SATB2: variants seen among roughly 807,000 people sequenced by gnomAD.
SATB2 encodes the protein SATB homeobox 2, also known as DNA-binding protein SATB2.
In SATB2, 1 loss-of-function variant was observed where a neutral mutation model predicts 73.4. The ratio of observed to expected loss-of-function variants is 0.01; its 90% CI spans 0.00 to 0.06. The LOEUF is 0.06. Among genes scored for constraint, SATB2 ranks in the 10% least tolerant of loss-of-function variants. The probability of loss-of-function intolerance (pLI) is 1.00; values close to 1 mark genes in which losing one functional copy is unlikely to be tolerated. For missense variants in SATB2, 459 were observed against 945.8 expected (o/e 0.49, Z 6.75); for synonymous variants, 397 against 367.0 (o/e 1.08, Z -0.93).
At chr2:199,449,244 T>C (rs1469550570) in intron 2 of SATB2, among the ~76,000 whole-genome samples, 1 of 152,184 alleles carries the variant, frequency 6.6e-6, no homozygotes, top group Non-Finnish European at 1.5e-5. Context: ...TTTTATCTAG[T>C]TTTTTAAAAA....
intron 7 of SATB2, among the ~76,000 whole-genome samples, chr2:199,337,705 T>C (rs1688375932): frequency 6.6e-6 from 1 of 152,186 alleles, no homozygotes; most frequent in Non-Finnish European, 1.5e-5. Context: ...CTGCAGTCTA[T>C]ACTGACAATT....
chr2:199,274,640 C>G (rs1468643663), intron 10 of SATB2, among the ~76,000 whole-genome samples: 1 of 152,138 alleles, frequency 6.6e-6, no homozygotes, highest in Non-Finnish European at 1.5e-5. Context: ...AAGCACAGGA[C>G]TATAAAACAG....
intron 2 of SATB2, among the ~76,000 whole-genome samples, chr2:199,435,208 A>T (rs1274276090): frequency 1.3e-5 from 2 of 152,174 alleles, no homozygotes; most frequent in African/African-American, 4.8e-5. Flanking sequence ...ACAAAGAAGA[A>T]GATTTAGGAC....
Position 199,349,084 on chromosome 2 carries a change from G to A in SATB2, c.790C>T (p.Leu264=), listed in dbSNP as rs1316738790. ...GGAGACTGTTCGTTGGTTTTCCCCA[G>A]GGATGCCAGCTGGTTCATATTTGGT... ...HLPNMNQLAS[L]GKTNEQSPHS... The change falls in exon 7 of 11, where the codon CTG becomes TTG. Residue 264 remains leucine, a synonymous_variant. Transcript: ENST00000417098. 1.9e-6 allele frequency: 3 copies of A among 1,614,102 alleles called. No homozygotes were observed. The highest frequency in any genetic ancestry group is 2.5e-6 in the Non-Finnish European group (3 of 1,179,970).
intron 10 of SATB2, among the ~76,000 whole-genome samples, chr2:199,292,726 C>A (rs1692906043): frequency 6.6e-6 from 1 of 152,122 alleles, no homozygotes; most frequent in Admixed American, 6.5e-5. Context: ...TAGGTCCTTG[C>A]CACTCAGCAT....
intron 10 of SATB2, among the ~76,000 whole-genome samples, chr2:199,275,806 G>A (rs777694888): frequency 2.0e-5 from 3 of 152,292 alleles, no homozygotes; most frequent in Non-Finnish European, 2.9e-5. Flanking sequence ...TAAGGAAAGA[G>A]CAGTCAAAAC....
chr2:199,408,610 C>A (rs1392671556), intron 3 of SATB2, among the ~76,000 whole-genome samples: 1 of 149,778 alleles, frequency 6.7e-6, no homozygotes, highest in African/African-American at 2.5e-5. Flanking sequence ...TTTGCAACAA[C>A]TTAATACAAC....
chr2:199,468,481 G>A (rs1390256922), upstream of SATB2, among the ~76,000 whole-genome samples: 3 of 152,208 alleles, frequency 2.0e-5, no homozygotes, highest in Admixed American at 1.3e-4. Context: ...GCATCCAACT[G>A]AGGCCCAGCA....
chr2:199,335,596 T>C (rs1182299742), intron 7 of SATB2, among the ~76,000 whole-genome samples: 1 of 152,156 alleles, frequency 6.6e-6, no homozygotes, highest in African/African-American at 2.4e-5. Context: ...TGGTAATATA[T>C]AGGAATGGTT....
chr2:199,343,672 A>T (rs1458645208), intron 7 of SATB2, among the ~76,000 whole-genome samples: 2 of 152,234 alleles, frequency 1.3e-5, no homozygotes, highest in African/African-American at 2.4e-5. Context: ...ACAACAGGTT[A>T]TGATCCCAGA....
chr2:199,372,431 T>C (rs1689477106), intron 5 of SATB2, among the ~76,000 whole-genome samples: 1 of 152,200 alleles, frequency 6.6e-6, no homozygotes, highest in Non-Finnish European at 1.5e-5. Flanking sequence ...TAAAAATAGA[T>C]TTTCTTTTAG....
intron 3 of SATB2, among the ~76,000 whole-genome samples, chr2:199,393,319 T>C (rs1288878603): frequency 6.6e-6 from 1 of 152,190 alleles, no homozygotes; most frequent in Non-Finnish European, 1.5e-5. Flanking sequence ...CCGTGGCCAG[T>C]GGGCAGTGCC....
intron 10 of SATB2, among the ~76,000 whole-genome samples, chr2:199,287,556 T>C (rs1242853243): frequency 6.6e-6 from 1 of 151,596 alleles, no homozygotes; most frequent in African/African-American, 2.4e-5. Context: ...TAGGATGATT[T>C]AGAAACAAGG....
chr2:199,444,157 T>TA (rs1691899492), intron 2 of SATB2, among the ~76,000 whole-genome samples: 1 of 151,940 alleles, frequency 6.6e-6, no homozygotes, highest in African/African-American at 2.4e-5. Flanking sequence ...AATAAAATAT[T>TA]AAAATAAATA....
At chr2:199,382,415 G>T (rs1165847150) in intron 3 of SATB2, among the ~76,000 whole-genome samples, 1 of 152,156 alleles carries the variant, frequency 6.6e-6, no homozygotes, top group African/African-American at 2.4e-5. Flanking sequence ...AAATAGCAAA[G>T]ATGCCCTCAA....
rs1327538536 is a variant in SATB2, at chr2:199,271,373, T to C, written c.*838A>G. On this transcript the variant is annotated 3_prime_UTR_variant, in exon 11 of 11. Transcript: ENST00000417098. ...TAATGACAAATTGAATAACGGAACGTAGCAAGTCATTTTATTGAGTCATTT... is the reference window on the plus strand; with the variant it reads ...TAATGACAAATTGAATAACGGAACGCAGCAAGTCATTTTATTGAGTCATTT... 1 of 152,702 alleles carries C rather than the reference T, an allele frequency of 6.5e-6. No individual in the cohort carries two copies. The highest frequency in any genetic ancestry group is 1.5e-5 in the Non-Finnish European group (1 of 68,032). 9.5% of individuals were successfully genotyped at this position (152,702 alleles called of 1,614,324 possible). A position where few individuals can be genotyped will look rare whatever the true frequency, so the allele number is the denominator to read the frequency against.
chr2:199,323,838 C>T lies in SATB2; in HGVS notation c.1507G>A (p.Ala503Thr), dbSNP rs1687958295. The part of the protein sequence containing the change: ...QEMKRAKVSQ[A>T]LFAKVAANKS... The stretch of plus-strand genomic sequence containing the variant: ...TTTGCAGCCACTTTGGCAAACAGGG[C>T]TTGAGACACCTTGGCCCTTTTCATC... The change falls in exon 9 of 11, where the codon GCC becomes ACC. Residue 503 changes from alanine to threonine, a missense_variant. Ala to Thr is a moderately conservative substitution (Grantham distance 58). This residue lies in a region of SATB2 where 3 missense variants were observed against 42.9 expected (regional missense o/e 0.07). Coordinates refer to ENST00000417098, the MANE Select transcript of SATB2 (RefSeq NM_001172509.2). The T allele has an allele frequency of 6.2e-7, 1 of 1,613,388 alleles. No individual in the cohort carries two copies. The highest frequency in any genetic ancestry group is 1.7e-5 in the Admixed American group (1 of 59,928).
chr2:199,371,294 A>T (rs1244893129), intron 5 of SATB2, among the ~76,000 whole-genome samples: 1 of 152,196 alleles, frequency 6.6e-6, no homozygotes, highest in Admixed American at 6.5e-5. Context: ...TGCTCTGGAC[A>T]CATACCACAA....
chr2:199,433,208 G>A, intron 3 of SATB2, 130 bp downstream of exon 3: 2 of 915,730 alleles, frequency 2.2e-6, no homozygotes, highest in South Asian at 1.8e-5. Context: ...ATATTCTACT[G>A]CTCACTAGGA....
Sources: allele counts gnomAD v4.1 joint callset (sites outside exome capture counted in the v4.1 genomes callset), GRCh38; gene constraint gnomAD v4.1.1; regional missense constraint gnomAD v4.1.1; transcripts MANE v1.5; gene names NCBI Gene and HGNC (gene_info 2026-07-23, HGNC 2026-07-21).